The following MTR variants were observed in gnomAD, a reference collection of about 807,000 sequenced individuals.
MTR encodes 5-methyltetrahydrofolate-homocysteine methyltransferase.
Under a neutral mutation model 154.8 loss-of-function variants are expected in MTR, and 84 were observed. That is an observed-to-expected ratio of 0.54 (90% CI 0.45 to 0.65). The LOEUF (loss-of-function observed/expected upper bound fraction) is 0.65. Among genes scored for constraint, MTR ranks in the 30% least tolerant of loss-of-function variants. MTR has a pLI of 0.00. For missense variants in MTR, 1,275 were observed against 1,570.2 expected (o/e 0.81, Z 3.18); for synonymous variants, 554 against 553.9 (o/e 1.00, Z 0.00).
chr1:236,847,434 C>A (rs1572256877), intron 15 of MTR, among the ~76,000 whole-genome samples: 2 of 152,268 alleles, frequency 1.3e-5, no homozygotes, highest in African/African-American at 4.8e-5. Flanking sequence ...GCATTACTGC[C>A]TGAGTGTGTG....
rs1206395169 is a variant in MTR at position 236,899,516 on chromosome 1, TC to T, written c.*1874del. ...TCTCTCACCTTACCTGGTGATAAGTTCCAAATATGTTAAGGGCTTTAATACA... is the reference window on the plus strand; with the variant it reads ...TCTCTCACCTTACCTGGTGATAAGTTCAAATATGTTAAGGGCTTTAATACA... On this transcript the variant is annotated 3_prime_UTR_variant, in exon 33 of 33. Transcript: ENST00000366577. The T allele has an allele frequency of 1.3e-5, 2 of 152,182 alleles. No individual in the cohort carries two copies. The highest frequency in any genetic ancestry group is 2.9e-5 in the Non-Finnish European group (2 of 68,036). The allele number at this position is 152,182 out of a possible 1,614,324, so 9.4% of individuals were successfully genotyped here. A position where few individuals can be genotyped will look rare whatever the true frequency, so the allele number is the denominator to read the frequency against.
At chr1:236,841,171 A>C (rs1194639491) in intron 15 of MTR, among the ~76,000 whole-genome samples, 1 of 152,114 alleles carries the variant, frequency 6.6e-6, no homozygotes, top group Admixed American at 6.5e-5. Context: ...TTGACTTCCT[A>C]CAGTGATTAA....
At chr1:236,798,788 G>A (rs1382896167) in intron 1 of MTR, among the ~76,000 whole-genome samples, 1 of 152,170 alleles carries the variant, frequency 6.6e-6, no homozygotes, top group East Asian at 1.9e-4. Flanking sequence ...TAGACCTAAT[G>A]AACTGAATAC....
In MTR at chr1:236,877,597, G is replaced by A. The variant is rs531678550; in HGVS notation, c.2594+2751G>A. 3.3e-5 allele frequency among the ~76,000 whole-genome samples: 5 copies of A among 152,132 alleles called. No homozygotes were observed. In the South Asian group the frequency reaches 1.0e-3, roughly 32 times the overall value. On this transcript the variant is annotated intron_variant, in intron 24 of 32. Transcript: ENST00000366577. ...TTTTTGTTGGTTTTTTTTCAATGTA[G>A]TATTCCATTGTATAATGTGCTGTGA... is the stretch of plus-strand genomic sequence containing the variant.
At chr1:236,809,819 G>A (rs1029314816) in intron 4 of MTR, among the ~76,000 whole-genome samples, 5 of 152,182 alleles carry the variant, frequency 3.3e-5, no homozygotes, top group Non-Finnish European at 4.4e-5. Flanking sequence ...GGCTTCTTTA[G>A]GAATGAACAC....
intron 3 of MTR, among the ~76,000 whole-genome samples, chr1:236,808,164 A>G (rs769623854): frequency 6.6e-6 from 1 of 152,166 alleles, no homozygotes; most frequent in Non-Finnish European, 1.5e-5. Flanking sequence ...GTGTATGTGC[A>G]TATTTGCTTT....
intron 15 of MTR, among the ~76,000 whole-genome samples, chr1:236,838,820 T>C (rs1433592496): frequency 6.6e-6 from 1 of 152,208 alleles, no homozygotes; most frequent in Non-Finnish European, 1.5e-5. Context: ...TTAGGTGATT[T>C]TGTCATTGTG....
intron 16 of MTR, among the ~76,000 whole-genome samples, chr1:236,851,014 C>T (rs1663868507): frequency 6.6e-6 from 1 of 152,182 alleles, no homozygotes; most frequent in South Asian, 2.1e-4. Flanking sequence ...TTTTATGACG[C>T]TACTCTGTTG....
At chr1:236,864,026 G>C (rs1285099582) in intron 22 of MTR, among the ~76,000 whole-genome samples, 1 of 152,146 alleles carries the variant, frequency 6.6e-6, no homozygotes. Flanking sequence ...CCAGGACCCT[G>C]TGTTCTTGGT....
intron 1 of MTR, among the ~76,000 whole-genome samples, chr1:236,799,475 T>C (rs10925235): frequency 0.69 from 105,162 of 152,006 alleles, 37,198 homozygotes; most frequent in African/African-American, 0.84. Context: ...TTATTCAGGC[T>C]GCAAAATTCC....
intron 1 of MTR, among the ~76,000 whole-genome samples, chr1:236,799,886 T>A (rs1286951244): frequency 6.6e-6 from 1 of 152,040 alleles, no homozygotes; most frequent in Non-Finnish European, 1.5e-5. Context: ...AATTATACAA[T>A]AAGTTTGTCA....
chr1:236,797,567 T>G (rs958090073), intron 1 of MTR, among the ~76,000 whole-genome samples: 1 of 152,114 alleles, frequency 6.6e-6, no homozygotes, highest in African/African-American at 2.4e-5. Context: ...GAATGAATAA[T>G]CCAGTGAATT....
chr1:236,831,257 A>G (rs1253110579), intron 12 of MTR, among the ~76,000 whole-genome samples: 1 of 152,236 alleles, frequency 6.6e-6, no homozygotes, highest in Non-Finnish European at 1.5e-5. Flanking sequence ...TTTACACTGT[A>G]TGTTTTTACT....
At position 236,901,337 on chromosome 1, in the gene MTR, A is replaced by T. The variant is rs1666909144; in HGVS notation, c.*3693A>T. Reference sequence around the variant, plus strand: ...GAAGACTTGTTGACTCATTTAAAGAAGATTGGAGGGAAAGGTAGGATTGAG... The same window carrying T: ...GAAGACTTGTTGACTCATTTAAAGATGATTGGAGGGAAAGGTAGGATTGAG... On this transcript the variant is annotated 3_prime_UTR_variant, in exon 33 of 33. Transcript: ENST00000366577. The T allele has an allele frequency of 6.6e-6, 1 of 152,446 alleles. No homozygotes were observed. Among genetic ancestry groups the T allele is most frequent in the South Asian group, 2.1e-4 (1 of 4,828 alleles). The allele number at this position is 152,446 out of a possible 1,614,324, so 9.4% of individuals were successfully genotyped here.
intron 21 of MTR, 116 bp downstream of exon 21, chr1:236,862,459 G>A (rs1664598749): frequency 3.8e-6 from 3 of 793,260 alleles, no homozygotes; most frequent in Non-Finnish European, 6.6e-6. Flanking sequence ...GGATAAAATA[G>A]AGAAATGATC....
chr1:236,861,091 CTTTTTCTTTTTTTT>C lies in MTR; in HGVS notation c.2044-28_2044-15del. ...TAGGTGATTTTTTTTTTCTTTCTTTCTTTTTCTTTTTTTTTTTTTTTTGTCTTTTTTAGGGCATT... is the reference window on the plus strand; with the variant it reads ...TAGGTGATTTTTTTTTTCTTTCTTTCTTTTTTTTGTCTTTTTTAGGGCATT... On this transcript the variant is annotated intron_variant, in intron 19 of 32. Coordinates refer to ENST00000366577, the MANE Select transcript of MTR (RefSeq NM_000254.3). 1 of 1,415,838 alleles carries C rather than the reference CTTTTTCTTTTTTTT, an allele frequency of 7.1e-7. No homozygotes were observed. The highest frequency in any genetic ancestry group is 9.4e-7 in the Non-Finnish European group (1 of 1,067,502). 87.7% of individuals were successfully genotyped at this position (1,415,838 alleles called of 1,614,324 possible).
At chr1:236,806,724 A>T (rs1661005793) in intron 3 of MTR, among the ~76,000 whole-genome samples, 1 of 152,180 alleles carries the variant, frequency 6.6e-6, no homozygotes, top group South Asian at 2.1e-4. Context: ...CTCTGTACCC[A>T]TTAAACAATA....
At chr1:236,892,829 T>C (rs1661277551) in intron 29 of MTR, among the ~76,000 whole-genome samples, 1 of 152,226 alleles carries the variant, frequency 6.6e-6, no homozygotes, top group South Asian at 2.1e-4. Flanking sequence ...TCAAGTCCTG[T>C]GTCCTCTGCG....
chr1:236,818,618 C>T (rs373271359), intron 8 of MTR, among the ~76,000 whole-genome samples: 97 of 152,294 alleles, frequency 6.4e-4, no homozygotes, highest in African/African-American at 2.2e-3. Flanking sequence ...CTCTCTATTT[C>T]GTTACGAATC....
Sources: allele counts gnomAD v4.1 joint callset (sites outside exome capture counted in the v4.1 genomes callset), GRCh38; gene constraint gnomAD v4.1.1; transcripts MANE v1.5; gene names NCBI Gene and HGNC (gene_info 2026-07-23, HGNC 2026-07-21).